Variants in WNK2 observed in about 807,000 individuals in gnomAD.
WNK2 encodes serine/threonine-protein kinase WNK2.
WNK2 carries 67 observed loss-of-function variants against 192.1 expected under a neutral mutation model. That is an observed-to-expected ratio of 0.35 (90% CI 0.29 to 0.43). WNK2 has a LOEUF of 0.43. Ranked by LOEUF, WNK2 falls within the 20% of genes least tolerant of loss-of-function variation. The pLI, the probability that WNK2 is intolerant of heterozygous loss-of-function variation, is 1.00. For synonymous variants in WNK2, 1,439 were observed against 1,393.9 expected (o/e 1.03, Z -0.72); for missense variants, 2,698 against 3,089.7 (o/e 0.87, Z 3.01).
chr9:93,213,628 A>C (rs1835173306), intron 2 of WNK2, among the ~76,000 whole-genome samples: 1 of 152,214 alleles, frequency 6.6e-6, no homozygotes, highest in Admixed American at 6.5e-5. Flanking sequence ...TGTCTCGACT[A>C]AAAATACAAA....
rs181680502 is a variant in WNK2, at chr9:93,287,944, G to A, written c.4034-844G>A. On this transcript the variant is annotated intron_variant, in intron 19 of 29. Transcript: ENST00000427277. ...AGCTGTGGTCCGAGCTACAAGGAAGGCTGAGGTGGGAGGATTGCTTGAGCC... is the reference window on the plus strand; with the variant it reads ...AGCTGTGGTCCGAGCTACAAGGAAGACTGAGGTGGGAGGATTGCTTGAGCC... 2.2e-4 allele frequency among the ~76,000 whole-genome samples: 33 copies of A among 152,262 alleles called. No homozygotes were observed. The East Asian group carries it at 6.0e-3, about 28-fold the overall frequency.
chr9:93,186,026 G>T (rs984310731), intron 2 of WNK2, among the ~76,000 whole-genome samples: 1 of 152,176 alleles, frequency 6.6e-6, no homozygotes, highest in Non-Finnish European at 1.5e-5. Context: ...AGGCTTCAAG[G>T]CCCGGTGTGT....
Position 93,289,625 on chromosome 9 carries a change from G to C in WNK2, c.4866+5G>C, listed in dbSNP as rs369534302. The C allele has an allele frequency of 1.3e-4, 185 of 1,460,628 alleles. No individual in the cohort carries two copies. Among genetic ancestry groups the C allele is most frequent in the Middle Eastern group, 4.6e-4 (2 of 4,370 alleles). The allele number at this position is 1,460,628 out of a possible 1,614,324, so 90.5% of individuals were successfully genotyped here. A position where few individuals can be genotyped will look rare whatever the true frequency, so the allele number is the denominator to read the frequency against. On this transcript the variant is annotated splice_donor_5th_base_variant and intron_variant, in intron 20 of 29. Coordinates refer to ENST00000427277, the MANE Select transcript of WNK2 (RefSeq NM_006648.4). ...GTCCAGCTGCCCCAGCCCTTGGTGA[G>C]TAGCTGCCTTGTCCCAGAGACACTG...
At chr9:93,302,423 G>T (rs1006629508) in intron 26 of WNK2, among the ~76,000 whole-genome samples, 2 of 152,146 alleles carry the variant, frequency 1.3e-5, no homozygotes, top group Non-Finnish European at 2.9e-5. Context: ...TGCGGCTAGT[G>T]GGGGGCAGCC....
At chr9:93,268,147 A>G (rs1437728603) in intron 18 of WNK2, 82 bp downstream of exon 18, 1 of 1,530,150 alleles carries the variant, frequency 6.5e-7, no homozygotes, top group South Asian at 1.2e-5. Context: ...GGGTTTGGCC[A>G]TTGCTTGGGG....
At chr9:93,317,044 C>T (rs543944036) in intron 28 of WNK2, 165 of 194,220 alleles carry the variant, frequency 8.5e-4, no homozygotes, top group Middle Eastern at 8.5e-3. Context: ...AGCTTCTCCC[C>T]GGGCTGGGAC....
At chr9:93,275,124 C>T (rs1365047346) in intron 19 of WNK2, among the ~76,000 whole-genome samples, 1 of 152,126 alleles carries the variant, frequency 6.6e-6, no homozygotes, top group East Asian at 1.9e-4. Context: ...AGAGTCAGTC[C>T]ACCATATTAA....
intron 19 of WNK2, among the ~76,000 whole-genome samples, chr9:93,271,737 A>C (rs1846032430): frequency 6.6e-6 from 1 of 152,226 alleles, no homozygotes. Flanking sequence ...GAAAGAATGC[A>C]GTGCTGAAAA....
intron 24 of WNK2, among the ~76,000 whole-genome samples, chr9:93,298,650 C>A (rs1198112470): frequency 1.3e-5 from 2 of 152,192 alleles, no homozygotes; most frequent in African/African-American, 4.8e-5. Context: ...GATGGAGCCC[C>A]TGTGAGCCCA....
intron 23 of WNK2, among the ~76,000 whole-genome samples, chr9:93,296,597 A>C (rs1443641683): frequency 3.2e-5 from 1 of 31,522 alleles, no homozygotes; most frequent in Non-Finnish European, 5.6e-5. Context: ...TCCTTTCTCC[A>C]TCATTCCCTC....
chr9:93,228,299 C>T (rs1044616853), intron 2 of WNK2, among the ~76,000 whole-genome samples: 4 of 152,252 alleles, frequency 2.6e-5, no homozygotes, highest in African/African-American at 7.2e-5. Flanking sequence ...ACCCTTGTCA[C>T]GATCCTGCCG....
chr9:93,282,550 C>T (rs1274036557), intron 19 of WNK2, among the ~76,000 whole-genome samples: 1 of 151,222 alleles, frequency 6.6e-6, no homozygotes, highest in Non-Finnish European at 1.5e-5. Context: ...CTAATACTCA[C>T]CTAGAGGAAG....
At chr9:93,186,998 A>G (rs922303413) in intron 2 of WNK2, among the ~76,000 whole-genome samples, 32 of 152,230 alleles carry the variant, frequency 2.1e-4, no homozygotes, top group African/African-American at 7.2e-4. Context: ...TTCCTGCTGC[A>G]AGGGAAAGCA....
At chr9:93,262,577 A>G (rs1936403) in intron 13 of WNK2, 93 bp from the exon 14 acceptor site, 1,331,947 of 1,385,076 alleles carry the variant, frequency 0.96, 640,700 homozygotes, top group African/African-American at 0.99. Flanking sequence ...GGGCTGAGGA[A>G]GTGGGGAGGG....
At position 93,189,624 on chromosome 9, in the gene WNK2, T is replaced by C. The variant is rs1199614301; in HGVS notation, c.681+4014T>C. ...AGTATGGCCTGTGCCAAGTGGGTGG[T>C]CCCCCCACCATCCTCCAAGGACAGC... On this transcript the variant is annotated intron_variant, in intron 2 of 29. Coordinates refer to ENST00000427277, the MANE Select transcript of WNK2 (RefSeq NM_006648.4). 3.6e-4 allele frequency among the ~76,000 whole-genome samples: 55 copies of C among 151,756 alleles called. 1 individual carries two copies. The highest frequency in any genetic ancestry group is 4.4e-5 in the Non-Finnish European group (3 of 67,860).
chr9:93,287,196 C>T (rs1199479513), intron 19 of WNK2, among the ~76,000 whole-genome samples: 4 of 152,148 alleles, frequency 2.6e-5, no homozygotes, highest in Admixed American at 2.6e-4. Context: ...AATAAAGAGC[C>T]ACAATAAGAC....
chr9:93,250,366 C>CACATGTCTGCATTCATACATGAAT (rs1842411564), intron 8 of WNK2, among the ~76,000 whole-genome samples: 1 of 152,230 alleles, frequency 6.6e-6, no homozygotes, highest in Non-Finnish European at 1.5e-5. Context: ...CATACATGCA[C>CACATGTCTGCATTCATACATGAAT]ACATGTCTGC....
chr9:93,306,460 G>T (rs1324215743), intron 26 of WNK2, among the ~76,000 whole-genome samples: 2 of 152,078 alleles, frequency 1.3e-5, no homozygotes, highest in South Asian at 2.1e-4. Flanking sequence ...GGTGTGCTTT[G>T]CTTTTTTCTT....
chr9:93,222,660 G>A (rs964400435), intron 2 of WNK2, among the ~76,000 whole-genome samples: 10 of 152,052 alleles, frequency 6.6e-5, no homozygotes, highest in African/African-American at 2.4e-4. Flanking sequence ...TGGTGGTGTC[G>A]GGAAAAATGT....
Sources: gnomAD v4.1 joint callset for allele counts (sites outside exome capture counted in the v4.1 genomes callset) on GRCh38, gnomAD v4.1.1 for gene constraint, MANE v1.5 for transcripts, NCBI Gene and HGNC (gene_info 2026-07-23, HGNC 2026-07-21) for gene names.